The following MAPK10 variants were observed in gnomAD, a reference collection of about 807,000 sequenced individuals.
MAPK10 encodes the protein mitogen-activated protein kinase 10.
In MAPK10, 25 loss-of-function variants were observed where a neutral mutation model predicts 59.3. The ratio of observed to expected loss-of-function variants is 0.42; its 90% CI spans 0.31 to 0.59. The LOEUF is 0.59. Ranked by LOEUF, MAPK10 falls within the 20% of genes least tolerant of loss-of-function variation. The pLI is 0.15. For missense variants in MAPK10, 351 were observed against 568.9 expected (o/e 0.62, Z 3.90); for synonymous variants, 190 against 200.5 (o/e 0.95, Z 0.44).
chr4:86,550,374 TAAAA>T (rs753508493), intron 1 of MAPK10, among the ~76,000 whole-genome samples: 18 of 77,386 alleles, frequency 2.3e-4, no homozygotes, highest in East Asian at 6.0e-4. Context: ...GAGCTTCAGT[TAAAA>T]AAAAAAAAAA....
At chr4:86,442,342 T>C (rs1028636766) in intron 1 of MAPK10, among the ~76,000 whole-genome samples, 5 of 152,222 alleles carry the variant, frequency 3.3e-5, no homozygotes, top group Non-Finnish European at 5.9e-5. Context: ...GTTAATTTTA[T>C]CCTAATGGCA....
intron 9 of MAPK10, among the ~76,000 whole-genome samples, chr4:86,088,366 G>A (rs1408913769): frequency 1.3e-5 from 2 of 151,944 alleles, no homozygotes; most frequent in Admixed American, 6.6e-5. Flanking sequence ...TTTGTTTTTT[G>A]TAGAGACAAG....
intron 2 of MAPK10, among the ~76,000 whole-genome samples, chr4:86,344,214 C>T (rs1305612343): frequency 6.6e-6 from 1 of 152,140 alleles, no homozygotes; most frequent in Non-Finnish European, 1.5e-5. Flanking sequence ...GCAGCCTCAA[C>T]CTCCAGGGCT....
rs569024836 is a variant in MAPK10, at chr4:86,077,727, A to G, written c.803-9772T>C. On this transcript the variant is annotated intron_variant, in intron 9 of 13. Coordinates refer to ENST00000641462, the MANE Select transcript of MAPK10 (RefSeq NM_138982.4). ...TTTCTGACCTCTCTTTGCAATTTAA[A>G]GAACATCAGTGTTTATCTCTAAATT... Among the ~76,000 whole-genome samples, 45 of 152,326 alleles carry G rather than the reference A, an allele frequency of 3.0e-4. No homozygotes were observed. In the South Asian group the frequency reaches 7.2e-3, roughly 25 times the overall value.
At chr4:86,446,025 AAAT>A (rs1749992410) in intron 1 of MAPK10, among the ~76,000 whole-genome samples, 1 of 152,186 alleles carries the variant, frequency 6.6e-6, no homozygotes. Context: ...AGTTTGTTCA[AAAT>A]AATAATAGAA....
rs986821529 is a variant in MAPK10, at chr4:86,165,536, C to T, written c.67-6069G>A. ...ATACTATAGGCACATGCCACCACTCCCAGATAATTTTTTTTTTTTTTTTTT... is the reference window on the plus strand; with the variant it reads ...ATACTATAGGCACATGCCACCACTCTCAGATAATTTTTTTTTTTTTTTTTT... On this transcript the variant is annotated intron_variant, in intron 3 of 13. Coordinates refer to ENST00000641462, the MANE Select transcript of MAPK10 (RefSeq NM_138982.4). Among the ~76,000 whole-genome samples the T allele has an allele frequency of 2.7e-5, 4 of 145,466 alleles. No individual in the cohort carries two copies. The East Asian group carries it at 8.0e-4, about 29-fold the overall frequency.
At chr4:86,432,324 G>A (rs571640969) in intron 1 of MAPK10, among the ~76,000 whole-genome samples, 24 of 152,242 alleles carry the variant, frequency 1.6e-4, no homozygotes, top group African/African-American at 5.8e-4. Flanking sequence ...ACTGAGGCTG[G>A]AGTGCAGTGG....
At chr4:86,583,554 G>C (rs188395431) in intron 1 of MAPK10, among the ~76,000 whole-genome samples, 1 of 152,146 alleles carries the variant, frequency 6.6e-6, no homozygotes, top group Non-Finnish European at 1.5e-5. Flanking sequence ...AAAGAGGATC[G>C]AATGTGTGGA....
intron 1 of MAPK10, among the ~76,000 whole-genome samples, chr4:86,536,167 G>C (rs747463290): frequency 4.6e-5 from 7 of 152,154 alleles, no homozygotes; most frequent in Admixed American, 3.3e-4. Flanking sequence ...GCATAGAAAA[G>C]CATAGTCTAC....
chr4:86,148,041 A>G lies in MAPK10; in HGVS notation c.236+11257T>C, dbSNP rs114556279. On this transcript the variant is annotated intron_variant, in intron 4 of 13. Coordinates refer to ENST00000641462, the MANE Select transcript of MAPK10 (RefSeq NM_138982.4). The stretch of plus-strand genomic sequence containing the variant: ...TAATAGTTAACATTATGCAACAGGC[A>G]CTTTTTGAAATCTTCAGACTATAAG... 4.0e-3 allele frequency among the ~76,000 whole-genome samples: 602 copies of G among 152,320 alleles called. 10 individuals are homozygous for G. The highest frequency in any genetic ancestry group is 3.4e-3 in the Non-Finnish European group (229 of 68,018).
chr4:86,587,141 C>T (rs1462232595), intron 1 of MAPK10, among the ~76,000 whole-genome samples: 3 of 152,154 alleles, frequency 2.0e-5, no homozygotes, highest in Non-Finnish European at 4.4e-5. Context: ...GGAACATATT[C>T]GCTATTCTTA....
intron 1 of MAPK10, among the ~76,000 whole-genome samples, chr4:86,406,732 T>C (rs1421695581): frequency 3.3e-5 from 5 of 152,148 alleles, no homozygotes; most frequent in African/African-American, 7.2e-5. Context: ...GGGGCTTACA[T>C]ACAGCAGAAA....
intron 1 of MAPK10, among the ~76,000 whole-genome samples, chr4:86,436,025 C>T (rs1354902196): frequency 1.3e-5 from 2 of 152,174 alleles, no homozygotes; most frequent in African/African-American, 2.4e-5. Context: ...AATTCCTATA[C>T]AGAAGCTGAA....
chr4:86,098,624 A>G (rs1431450593), intron 8 of MAPK10, 29 bp from the exon 9 acceptor site: 3 of 1,513,362 alleles, frequency 2.0e-6, no homozygotes, highest in Non-Finnish European at 2.8e-6. Flanking sequence ...GGTAGTGAAG[A>G]AAAGGGAGGA....
chr4:86,044,318 A>T (rs1016803432), intron 11 of MAPK10, among the ~76,000 whole-genome samples: 2 of 152,154 alleles, frequency 1.3e-5, no homozygotes, highest in African/African-American at 2.4e-5. Context: ...GGAGTTTTAA[A>T]AATACTGCTG....
At chr4:86,258,436 G>A (rs2093845532) in intron 2 of MAPK10, among the ~76,000 whole-genome samples, 2 of 151,950 alleles carry the variant, frequency 1.3e-5, no homozygotes, top group Middle Eastern at 3.2e-3. Context: ...TTCTATGTTG[G>A]TTTACCCCCA....
intron 1 of MAPK10, among the ~76,000 whole-genome samples, chr4:86,468,674 T>C (rs549402348): frequency 4.6e-5 from 7 of 152,130 alleles, no homozygotes; most frequent in African/African-American, 1.4e-4. Context: ...GTCAACATGG[T>C]GATACCCCAT....
At chr4:86,034,571 T>A in intron 11 of MAPK10, among the ~76,000 whole-genome samples, 1 of 152,232 alleles carries the variant, frequency 6.6e-6, no homozygotes, top group African/African-American at 2.4e-5. Flanking sequence ...ACCTAACACA[T>A]GGCAGACTAT....
At chr4:86,504,817 G>A (rs1255932870) in intron 1 of MAPK10, among the ~76,000 whole-genome samples, 1 of 152,100 alleles carries the variant, frequency 6.6e-6, no homozygotes, top group Non-Finnish European at 1.5e-5. Context: ...GACTGGCTGG[G>A]GTGAGGAATG....
Sources: gnomAD v4.1 joint callset for allele counts (sites outside exome capture counted in the v4.1 genomes callset) on GRCh38, gnomAD v4.1.1 for gene constraint, MANE v1.5 for transcripts, NCBI Gene and HGNC (gene_info 2026-07-23, HGNC 2026-07-21) for gene names.